SPRED2: variants seen among roughly 807,000 people sequenced by gnomAD.
SPRED2 encodes the protein sprouty-related, EVH1 domain-containing protein 2.
A neutral mutation model predicts 43.0 loss-of-function variants in SPRED2; 47 were observed. That is an observed-to-expected ratio of 1.09 (90% confidence interval 0.87 to 1.40). The LOEUF is 1.40. Among genes scored for constraint, SPRED2 ranks in the 40% most tolerant of loss-of-function variants. The pLI, the probability that SPRED2 is intolerant of heterozygous loss-of-function variation, is 0.00. For synonymous variants in SPRED2, 225 were observed against 225.7 expected (o/e 1.00, Z 0.03); for missense variants, 561 against 586.4 (o/e 0.96, Z 0.45).
chr2:65,325,654 G>T (rs905301361), intron 4 of SPRED2, among the ~76,000 whole-genome samples: 3 of 152,136 alleles, frequency 2.0e-5, no homozygotes, highest in Non-Finnish European at 4.4e-5. Context: ...AGAACCACAG[G>T]ATTAGGACAG....
chr2:65,396,983 T>C (rs994504579), intron 1 of SPRED2, among the ~76,000 whole-genome samples: 31 of 152,158 alleles, frequency 2.0e-4, no homozygotes, highest in Admixed American at 1.5e-3. Flanking sequence ...TCTTAATCAC[T>C]TACACCCCAC....
At chr2:65,364,467 A>G (rs1366200378) in intron 1 of SPRED2, among the ~76,000 whole-genome samples, 1 of 152,174 alleles carries the variant, frequency 6.6e-6, no homozygotes, top group African/African-American at 2.4e-5. Flanking sequence ...GCATCTAAAA[A>G]CCACGTGGTT....
At chr2:65,393,326 C>CTTTTT (rs55696467) in intron 1 of SPRED2, among the ~76,000 whole-genome samples, 11 of 141,690 alleles carry the variant, frequency 7.8e-5, no homozygotes, top group Non-Finnish European at 1.2e-4. Flanking sequence ...AATCATAAGG[C>CTTTTT]TTTTTTTTTT....
intron 4 of SPRED2, among the ~76,000 whole-genome samples, chr2:65,327,973 T>C (rs1381382233): frequency 5.9e-5 from 9 of 152,106 alleles, no homozygotes; most frequent in South Asian, 2.1e-4. Context: ...CCGCCCACCT[T>C]GGCCTCCCAA....
chr2:65,328,843 T>C (rs532545556), intron 4 of SPRED2, among the ~76,000 whole-genome samples: 1 of 152,332 alleles, frequency 6.6e-6, no homozygotes, highest in East Asian at 1.9e-4. Context: ...TGCCCTCAGC[T>C]TTAATGTTTG....
At chr2:65,324,316 T>C (rs1005146155) in intron 4 of SPRED2, among the ~76,000 whole-genome samples, 2 of 152,140 alleles carry the variant, frequency 1.3e-5, no homozygotes, top group Admixed American at 6.6e-5. Context: ...TAAAAAATAA[T>C]AATGGACCTT....
downstream of SPRED2, chr2:65,310,800 C>T (rs147701515): frequency 3.8e-4 from 348 of 906,304 alleles, no homozygotes; most frequent in African/African-American, 4.1e-3. Flanking sequence ...GATCTGCCAA[C>T]GCTCTAGCAT....
At chr2:65,345,039 T>C (rs1674309194) in intron 1 of SPRED2, 143 bp from the exon 2 acceptor site, 5 of 716,636 alleles carry the variant, frequency 7.0e-6, no homozygotes, top group Non-Finnish European at 1.1e-5. Flanking sequence ...CCTTAAAAAG[T>C]GGTCCATCTC....
At position 65,313,427 on chromosome 2, in the gene SPRED2, G is replaced by T; in HGVS notation, c.*74C>A. 6.5e-7 allele frequency: 1 copy of T among 1,527,362 alleles called. No homozygotes were observed. Among genetic ancestry groups the T allele is most frequent in the Non-Finnish European group, 8.8e-7 (1 of 1,141,434 alleles). 94.6% of individuals were successfully genotyped at this position (1,527,362 alleles called of 1,614,324 possible). A position where few individuals can be genotyped will look rare whatever the true frequency, so the allele number is the denominator to read the frequency against. ...CGCTCCTTGGAGTGGAAGGGAGCGG[G>T]GGAGAAGATGAGAGTATGTAAGAGA... On this transcript the variant is annotated 3_prime_UTR_variant, in exon 6 of 6. Transcript: ENST00000356388.
chr2:65,316,424 C>T (rs1041836797), intron 5 of SPRED2, among the ~76,000 whole-genome samples: 2 of 152,204 alleles, frequency 1.3e-5, no homozygotes, highest in African/African-American at 2.4e-5. Context: ...CCATCAGATA[C>T]TCCACCTCTC....
At position 65,374,855 on chromosome 2, in the gene SPRED2, G is replaced by A. The variant is rs146340637; in HGVS notation, c.27-29959C>T. 2.8e-3 allele frequency among the ~76,000 whole-genome samples: 423 copies of A among 152,344 alleles called. 1 individual carries two copies. Among genetic ancestry groups the A allele is most frequent in the Non-Finnish European group, 3.0e-3 (205 of 68,036 alleles). On this transcript the variant is annotated intron_variant, in intron 1 of 5. Coordinates refer to ENST00000356388, the MANE Select transcript of SPRED2 (RefSeq NM_181784.3). ...TGCATTCTGCATAGGGGAGGCATGT[G>A]TGGAGAGCACCCAACTTGTTTCGAG...
chr2:65,361,092 T>C (rs1283366589), intron 1 of SPRED2, among the ~76,000 whole-genome samples: 2 of 152,210 alleles, frequency 1.3e-5, no homozygotes, highest in African/African-American at 2.4e-5. Flanking sequence ...ATTAACACTA[T>C]TTAAAAAGTT....
intron 1 of SPRED2, among the ~76,000 whole-genome samples, chr2:65,347,591 C>T (rs78927141): frequency 0.019 from 2,957 of 152,216 alleles, 90 homozygotes; most frequent in African/African-American, 0.067. Context: ...CTCTCTCCGC[C>T]CTTCCTCCTG....
intron 1 of SPRED2, among the ~76,000 whole-genome samples, chr2:65,402,149 T>C (rs1675916992): frequency 6.6e-6 from 1 of 151,376 alleles, no homozygotes; most frequent in Non-Finnish European, 1.5e-5. Flanking sequence ...CGTGGTGGCA[T>C]GCACCTGTAA....
Position 65,313,344 on chromosome 2 carries a change from T to A in SPRED2, c.*157A>T. On this transcript the variant is annotated 3_prime_UTR_variant, in exon 6 of 6. Coordinates refer to ENST00000356388, the MANE Select transcript of SPRED2 (RefSeq NM_181784.3). ...GGAGTGGAGAGTCTACCCGGCAGCG[T>A]CCCTGGCTGGAATGGTGCCTCGAGG... is the stretch of plus-strand genomic sequence containing the variant. The A allele has an allele frequency of 2.0e-6, 3 of 1,479,388 alleles. No individual in the cohort carries two copies. The highest frequency in any genetic ancestry group is 2.7e-6 in the Non-Finnish European group (3 of 1,124,088). 91.6% of individuals were successfully genotyped at this position (1,479,388 alleles called of 1,614,324 possible).
chr2:65,427,359 G>A (rs13397223), intron 1 of SPRED2, among the ~76,000 whole-genome samples: 5,862 of 152,158 alleles, frequency 0.039, 377 homozygotes, highest in African/African-American at 0.13. Flanking sequence ...ATTTTCTGAG[G>A]AATAAATCAA....
chr2:65,376,613 T>A (rs1675244578), intron 1 of SPRED2, among the ~76,000 whole-genome samples: 1 of 152,144 alleles, frequency 6.6e-6, no homozygotes, highest in Non-Finnish European at 1.5e-5. Flanking sequence ...CTAGGGTTTA[T>A]GCAAATATTA....
chr2:65,380,166 G>C (rs542999539), intron 1 of SPRED2, among the ~76,000 whole-genome samples: 1 of 152,146 alleles, frequency 6.6e-6, no homozygotes, highest in East Asian at 1.9e-4. Flanking sequence ...CAAAAGTCAC[G>C]TTTTGGACTC....
At chr2:65,339,163 C>T (rs1186874607) in intron 2 of SPRED2, among the ~76,000 whole-genome samples, 14 of 144,108 alleles carry the variant, frequency 9.7e-5, no homozygotes, top group Admixed American at 5.5e-4. Flanking sequence ...CGCCTCTGCC[C>T]GGCCGCCCCT....
Sources: gnomAD v4.1 joint callset for allele counts (sites outside exome capture counted in the v4.1 genomes callset) on GRCh38, gnomAD v4.1.1 for gene constraint, MANE v1.5 for transcripts, NCBI Gene and HGNC (gene_info 2026-07-23, HGNC 2026-07-21) for gene names.